The following TAF13 variants were observed in gnomAD, a reference collection of about 807,000 sequenced individuals.
TAF13 encodes transcription initiation factor TFIID subunit 13.
In TAF13, 9 loss-of-function variants were observed where a neutral mutation model predicts 18.7. The ratio of observed to expected loss-of-function variants is 0.48; its 90% CI spans 0.29 to 0.84. The LOEUF (loss-of-function observed/expected upper bound fraction) is 0.84, where lower values mean the gene tolerates loss of function less well. Among genes scored for constraint, TAF13 ranks in the 40% least tolerant of loss-of-function variants. TAF13 has a pLI of 0.08. For missense variants in TAF13, 105 were observed against 146.5 expected (o/e 0.72, Z 1.46); for synonymous variants, 49 against 44.1 (o/e 1.11, Z -0.44).
In TAF13 at chr1:109,075,082, A is replaced by T. The variant is rs763991667; in HGVS notation, c.28-17T>A. 1 of 1,564,584 alleles carries T rather than the reference A, an allele frequency of 6.4e-7. No individual in the cohort carries two copies. Among genetic ancestry groups the T allele is most frequent in the South Asian group, 1.2e-5 (1 of 83,852 alleles). On this transcript the variant is annotated splice_polypyrimidine_tract_variant and intron_variant, in intron 1 of 3. Coordinates refer to ENST00000338366, the MANE Select transcript of TAF13 (RefSeq NM_005645.4). ...TTCCTCAAACTAGAAGTTAAAATGT[A>T]TATATAGAAATGTCAAATAATTGCC...
Position 109,065,516 on chromosome 1 carries a change from T to A in TAF13, c.204+619A>T, listed in dbSNP as rs527845832. Among the ~76,000 whole-genome samples the A allele has an allele frequency of 1.5e-3, 231 of 150,208 alleles. 2 individuals carry two copies. In the South Asian group the frequency reaches 0.017, roughly 11 times the overall value. ...ACACAGACACACACACACAAAAAAT[T>A]GCGTATCTTTAAATACTGGAAAAGG... On this transcript the variant is annotated intron_variant, in intron 3 of 3. Coordinates refer to ENST00000338366, the MANE Select transcript of TAF13 (RefSeq NM_005645.4).
Position 109,075,047 on chromosome 1 carries a change from C to T in TAF13, c.46G>A (p.Glu16Lys). ...EDPTFEEENEEIGGGAEGGQG... is the reference protein window; with the variant it reads ...EDPTFEEENEKIGGGAEGGQG... ...CCACCTTCTGCACCTCCTCCAATTTCTTCATTTTCTTCCTCAAACTAGAAG... is the reference window on the plus strand; with the variant it reads ...CCACCTTCTGCACCTCCTCCAATTTTTTCATTTTCTTCCTCAAACTAGAAG... The change falls in exon 2 of 4, where the codon GAA becomes AAA. Residue 16 changes from glutamate to lysine, a missense_variant. Coordinates refer to ENST00000338366, the MANE Select transcript of TAF13 (RefSeq NM_005645.4). The T allele has an allele frequency of 6.2e-7, 1 of 1,607,414 alleles. No homozygotes were observed. Among genetic ancestry groups the T allele is most frequent in the East Asian group, 2.2e-5 (1 of 44,736 alleles).
intron 2 of TAF13, among the ~76,000 whole-genome samples, chr1:109,074,781 A>G (rs1664153569): frequency 6.8e-6 from 1 of 147,372 alleles, no homozygotes; most frequent in Admixed American, 6.8e-5. Context: ...CTCCGTCTCA[A>G]AAAAAAAAAA....
chr1:109,069,769 A>G (rs190465568), intron 2 of TAF13, among the ~76,000 whole-genome samples: 1,931 of 152,276 alleles, frequency 0.013, 19 homozygotes, highest in Non-Finnish European at 0.021. Flanking sequence ...CCTACAGAAG[A>G]AAAGGGTGAC....
In TAF13 at chr1:109,075,300, G is replaced by T. The variant is rs148752335; in HGVS notation, c.28-235C>A. ...ACTAATAATCCTACTGCTTCTACTT[G>T]TAAGAGTTCCAATGACCATAAGTTT... On this transcript the variant is annotated intron_variant, in intron 1 of 3. Transcript: ENST00000338366. Among the ~76,000 whole-genome samples, 103 of 152,088 alleles carry T rather than the reference G, an allele frequency of 6.8e-4. 2 individuals are homozygous for T. In the East Asian group the frequency reaches 0.016, roughly 24 times the overall value.
chr1:109,071,168 C>G (rs972861721), intron 2 of TAF13, among the ~76,000 whole-genome samples: 1 of 151,930 alleles, frequency 6.6e-6, no homozygotes, highest in East Asian at 1.9e-4. Context: ...TGGCCAGGCA[C>G]GGTGGCTCAC....
chr1:109,072,017 C>G (rs1274466207), intron 2 of TAF13, among the ~76,000 whole-genome samples: 2 of 7,570 alleles, frequency 2.6e-4, no homozygotes, highest in African/African-American at 6.4e-4. Context: ...TATATATACA[C>G]ACACATATAT....
At chr1:109,072,414 A>G (rs748657475) in intron 2 of TAF13, among the ~76,000 whole-genome samples, 3 of 151,794 alleles carry the variant, frequency 2.0e-5, no homozygotes, top group Non-Finnish European at 4.4e-5. Flanking sequence ...GAGAATCAAT[A>G]CATTATAATC....
At chr1:109,074,940 A>G in intron 2 of TAF13, 47 bp downstream of exon 2, 1 of 1,466,792 alleles carries the variant, frequency 6.8e-7, no homozygotes, top group Non-Finnish European at 9.4e-7. Flanking sequence ...GGACATGTCC[A>G]AAAGTTTTCA....
intron 2 of TAF13, among the ~76,000 whole-genome samples, chr1:109,066,802 C>T (rs1218117292): frequency 6.6e-6 from 1 of 152,110 alleles, no homozygotes; most frequent in Admixed American, 6.6e-5. Flanking sequence ...CTGCAAGCTC[C>T]ATCGCCTCCT....
chr1:109,068,066 C>A (rs1248576958), intron 2 of TAF13, among the ~76,000 whole-genome samples: 1 of 152,134 alleles, frequency 6.6e-6, no homozygotes, highest in African/African-American at 2.4e-5. Context: ...GTACAGCTTG[C>A]TGCAGCCTCA....
intron 2 of TAF13, among the ~76,000 whole-genome samples, chr1:109,074,004 C>T (rs1003124320): frequency 1.3e-5 from 2 of 152,094 alleles, no homozygotes; most frequent in Non-Finnish European, 2.9e-5. Flanking sequence ...AACTGAGGAG[C>T]GCCTCCGCCA....
At chr1:109,071,954 G>GAAAAAAA (rs1171636503) in intron 2 of TAF13, among the ~76,000 whole-genome samples, 2 of 40,482 alleles carry the variant, frequency 4.9e-5, no homozygotes, top group South Asian at 1.5e-3. Context: ...GTCTCAAAAA[G>GAAAAAAA]AAAATATATA....
chr1:109,067,295 A>C (rs962047583), intron 2 of TAF13, among the ~76,000 whole-genome samples: 1 of 152,022 alleles, frequency 6.6e-6, no homozygotes, highest in African/African-American at 2.4e-5. Flanking sequence ...CTGTCTCTAC[A>C]TAAAAAACAA....
Position 109,075,859 on chromosome 1 carries a change from C to T in TAF13, c.27+62G>A, listed in dbSNP as rs111758870. 215 of 1,611,040 alleles carry T rather than the reference C, an allele frequency of 1.3e-4. No homozygotes were observed. In the African/African-American group the frequency reaches 2.2e-3, roughly 16 times the overall value. On this transcript the variant is annotated intron_variant, in intron 1 of 3. Coordinates refer to ENST00000338366, the MANE Select transcript of TAF13 (RefSeq NM_005645.4). Reference sequence around the variant, plus strand: ...AAGCAGACCCGATCCTGAACTCTGCCTCCGCTACTGAGCCCGAAGGAGTGA... The same window carrying T: ...AAGCAGACCCGATCCTGAACTCTGCTTCCGCTACTGAGCCCGAAGGAGTGA...
At chr1:109,073,417 GCGTCTCCCGCTTTCCAC>G (rs1259524077) in intron 2 of TAF13, among the ~76,000 whole-genome samples, 1 of 152,052 alleles carries the variant, frequency 6.6e-6, no homozygotes, top group Non-Finnish European at 1.5e-5. Flanking sequence ...CCCCTCGTCT[GCGTCTCCCGCTTTCCAC>G]CGTCTCCCTC....
rs917074174 is a variant in TAF13, at chr1:109,072,043, T to C, written c.106+2944A>G. Among the ~76,000 whole-genome samples, 4 of 4,592 alleles carry C rather than the reference T, an allele frequency of 8.7e-4. 1 individual carries two copies. Among genetic ancestry groups the C allele is most frequent in the African/African-American group, 3.0e-3 (4 of 1,344 alleles). The allele number at this position is 4,592 out of a possible 152,430, so 3.0% of individuals were successfully genotyped here. A position where few individuals can be genotyped will look rare whatever the true frequency, so the allele number is the denominator to read the frequency against. Reference sequence around the variant, plus strand: ...ACACATATATATATATATATATATATACACACACATATATATATATATATA... The same window carrying C: ...ACACATATATATATATATATATATACACACACACATATATATATATATATA... On this transcript the variant is annotated intron_variant, in intron 2 of 3. Transcript: ENST00000338366.
At chr1:109,075,135 T>C (rs1348334084) in intron 1 of TAF13, 70 bp from the exon 2 acceptor site, 1 of 1,358,272 alleles carries the variant, frequency 7.4e-7, no homozygotes, top group Non-Finnish European at 1.0e-6. Context: ...ATAATGACAT[T>C]TTTTTTTCCT....
intron 2 of TAF13, among the ~76,000 whole-genome samples, chr1:109,070,305 G>C (rs1381733920): frequency 6.6e-6 from 1 of 151,368 alleles, no homozygotes; most frequent in Non-Finnish European, 1.5e-5. Flanking sequence ...TGCAACCTCT[G>C]CCTCCCGGGT....
Sources: allele counts gnomAD v4.1 joint callset (sites outside exome capture counted in the v4.1 genomes callset), GRCh38; gene constraint gnomAD v4.1.1; transcripts MANE v1.5; gene names NCBI Gene and HGNC (gene_info 2026-07-23, HGNC 2026-07-21).